Variants in SLC6A6 observed in about 807,000 individuals in gnomAD.
SLC6A6 encodes sodium- and chloride-dependent taurine transporter.
SLC6A6 carries 16 observed loss-of-function variants against 68.8 expected under a neutral mutation model. The ratio of observed to expected loss-of-function variants is 0.23; its 90% CI spans 0.16 to 0.35. The LOEUF is 0.35. SLC6A6 is among the 10% of genes least tolerant of loss of function. The pLI is 1.00. For synonymous variants in SLC6A6, 312 were observed against 315.4 expected (o/e 0.99, Z 0.12); for missense variants, 474 against 802.8 (o/e 0.59, Z 4.95).
chr3:14,468,288 A>G lies in SLC6A6; in HGVS notation c.1096+76A>G, dbSNP rs1323021552. On this transcript the variant is annotated intron_variant, in intron 9 of 14. Transcript: ENST00000622186. This position sits in a 1 kb window ranked among gnomAD's most constrained non-coding sequence, Gnocchi z 4.5. Reference sequence around the variant, plus strand: ...AGCCAAGTACTGCAGGCATGAAGCCAGACCCCAGGGGGCTTTGAGGGGGGA... The same window carrying G: ...AGCCAAGTACTGCAGGCATGAAGCCGGACCCCAGGGGGCTTTGAGGGGGGA... 7.2e-7 allele frequency: 1 copy of G among 1,385,292 alleles called. No individual in the cohort carries two copies. The highest frequency in any genetic ancestry group is 2.5e-5 in the Admixed American group (1 of 39,492). The allele number at this position is 1,385,292 out of a possible 1,614,324, so 85.8% of individuals were successfully genotyped here. A position where few individuals can be genotyped will look rare whatever the true frequency, so the allele number is the denominator to read the frequency against.
chr3:14,403,430 T>C (rs1332183798), intron 1 of SLC6A6, among the ~76,000 whole-genome samples: 1 of 152,166 alleles, frequency 6.6e-6, no homozygotes, highest in Non-Finnish European at 1.5e-5. Context: ...AGTGTGGTTG[T>C]GTCTCCAGGT....
intron 2 of SLC6A6, among the ~76,000 whole-genome samples, chr3:14,426,593 A>G (rs185285434): frequency 8.5e-5 from 13 of 152,358 alleles, no homozygotes; most frequent in African/African-American, 2.6e-4. Context: ...TTAAGGAAAG[A>G]AAAAAATATT....
Position 14,468,808 on chromosome 3 carries a change from C to T in SLC6A6, c.1096+596C>T, listed in dbSNP as rs1018801894. Among the ~76,000 whole-genome samples, 1 of 152,086 alleles carries T rather than the reference C, an allele frequency of 6.6e-6. No homozygotes were observed. The highest frequency in any genetic ancestry group is 2.1e-4 in the South Asian group (1 of 4,828). ...TGGGGGTGGGTTGTAAGCACAGTGT[C>T]GCCCCTCGGGGTGTGGGCCCTGTTG... On this transcript the variant is annotated intron_variant, in intron 9 of 14. Coordinates refer to ENST00000622186, the MANE Select transcript of SLC6A6 (RefSeq NM_003043.6). This position sits in a 1 kb window ranked among gnomAD's most constrained non-coding sequence, Gnocchi z 4.5.
intron 1 of SLC6A6, among the ~76,000 whole-genome samples, chr3:14,415,440 G>A (rs1469557439): frequency 6.6e-6 from 1 of 152,186 alleles, no homozygotes; most frequent in Non-Finnish European, 1.5e-5. Flanking sequence ...AAGGAAAGGG[G>A]TCCTGGAGGC....
chr3:14,454,640 C>T (rs1700329684), intron 5 of SLC6A6, among the ~76,000 whole-genome samples: 1 of 152,126 alleles, frequency 6.6e-6, no homozygotes. Flanking sequence ...TGGTTTCAGC[C>T]CTAGTATGTT....
Position 14,458,016 on chromosome 3 carries a change from C to G in SLC6A6, c.666C>G (p.Leu222=), listed in dbSNP as rs1283307219. Residue 222 remains leucine (L), a synonymous_variant, in exon 6 of 15, where the codon CTC becomes CTG. Transcript: ENST00000622186. ...HPGSLKWDLA[L]CLLLVWLVCF... ...GCTCTCTGAAATGGGACCTCGCTCT[C>G]TGCCTTCTTTTAGTCTGGCTAGTGT... 1 of 1,613,950 alleles carries G rather than the reference C, an allele frequency of 6.2e-7. No homozygotes were observed. The highest frequency in any genetic ancestry group is 1.1e-5 in the South Asian group (1 of 91,080).
intron 2 of SLC6A6, among the ~76,000 whole-genome samples, chr3:14,441,675 G>A (rs1699991601): frequency 6.6e-6 from 1 of 152,200 alleles, no homozygotes; most frequent in African/African-American, 2.4e-5. Context: ...CAGCAGCTGG[G>A]GCCAAGCCAG....
At position 14,468,340 on chromosome 3, in the gene SLC6A6, C is replaced by CCA; in HGVS notation, c.1096+129_1096+130insAC. 1 of 728,562 alleles carries CCA rather than the reference C, an allele frequency of 1.4e-6. No homozygotes were observed. The highest frequency in any genetic ancestry group is 2.3e-5 in the South Asian group (1 of 42,806). 45.1% of individuals were successfully genotyped at this position (728,562 alleles called of 1,614,324 possible). Reference sequence around the variant, plus strand: ...GAGCCTGGTTTCTAAAATGGACCCCCCCCCCGCCACCAAGATATCCCCCAA... The same window carrying CCA: ...GAGCCTGGTTTCTAAAATGGACCCCCCACCCCCGCCACCAAGATATCCCCCAA... On this transcript the variant is annotated intron_variant, in intron 9 of 14. Coordinates refer to ENST00000622186, the MANE Select transcript of SLC6A6 (RefSeq NM_003043.6). This position sits in a 1 kb window ranked among gnomAD's most constrained non-coding sequence, Gnocchi z 4.5.
intron 4 of SLC6A6, 129 bp downstream of exon 4, chr3:14,445,980 TAGC>T (rs1481067372): frequency 3.4e-6 from 3 of 889,850 alleles, no homozygotes; most frequent in Non-Finnish European, 5.3e-6. Flanking sequence ...TGACACAAGA[TAGC>T]AGCCAGTACA....
Position 14,477,933 on chromosome 3 carries a change from A to G in SLC6A6, c.1348-533A>G, listed in dbSNP as rs1273993669. Among the ~76,000 whole-genome samples, 2 of 152,140 alleles carry G rather than the reference A, an allele frequency of 1.3e-5. No homozygotes were observed. The highest frequency in any genetic ancestry group is 2.9e-5 in the Non-Finnish European group (2 of 68,022). ...TCTAGCAAGAGGCAAGCCAGATGAG[A>G]TAAAGATTGTACTAAGAATGGAAGC... is the stretch of plus-strand genomic sequence containing the variant. On this transcript the variant is annotated intron_variant, in intron 11 of 14. Transcript: ENST00000622186. This position sits in a 1 kb window ranked among gnomAD's most constrained non-coding sequence, Gnocchi z 4.2.
chr3:14,465,253 A>G (rs1287817872), intron 6 of SLC6A6, among the ~76,000 whole-genome samples: 2 of 152,244 alleles, frequency 1.3e-5, no homozygotes, highest in Admixed American at 1.3e-4. Flanking sequence ...CGCTTGCAGG[A>G]CAAGAGGAGA....
chr3:14,440,133 C>G (rs1699948295), intron 2 of SLC6A6, among the ~76,000 whole-genome samples: 1 of 152,062 alleles, frequency 6.6e-6, no homozygotes, highest in Non-Finnish European at 1.5e-5. Context: ...CTGTGCACCC[C>G]CCCTCATTTA....
chr3:14,470,604 G>A (rs902206362), intron 9 of SLC6A6, among the ~76,000 whole-genome samples: 1 of 152,200 alleles, frequency 6.6e-6, no homozygotes, highest in South Asian at 2.1e-4. Flanking sequence ...TGGGTTGGGG[G>A]TTGTGGGGGC....
In SLC6A6 at chr3:14,467,889, T is replaced by G; in HGVS notation, c.904T>G (p.Tyr302Asp). 6.2e-7 allele frequency: 1 copy of G among 1,613,736 alleles called. No individual in the cohort carries two copies. The highest frequency in any genetic ancestry group is 8.5e-7 in the Non-Finnish European group (1 of 1,179,678). The change falls in exon 8 of 15, where the codon TAT becomes GAT. Residue 302 changes from tyrosine (Y) to aspartate (D), a missense_variant. Around this residue, in one of 2 missense-constraint regions of SLC6A6, gnomAD observed 280 missense variants for 533.1 expected, o/e 0.53. Coordinates refer to ENST00000622186, the MANE Select transcript of SLC6A6 (RefSeq NM_003043.6). ...CGCTGGGACTCAGATATTCTTCTCTTATGCCATCTGCCTGGGGGCTATGAC... is the reference window on the plus strand; with the variant it reads ...CGCTGGGACTCAGATATTCTTCTCTGATGCCATCTGCCTGGGGGCTATGAC... Reference protein sequence around the residue: ...IDAGTQIFFSYAICLGAMTSL... With the variant: ...IDAGTQIFFSDAICLGAMTSL...
chr3:14,445,462 G>A (rs1050516684), intron 3 of SLC6A6, among the ~76,000 whole-genome samples: 4 of 122,264 alleles, frequency 3.3e-5, no homozygotes, highest in South Asian at 5.9e-4. Flanking sequence ...AAGAAAGAAA[G>A]AAAAAAAAGA....
chr3:14,444,090 C>G (rs376510812), intron 3 of SLC6A6: 1 of 510,774 alleles, frequency 2.0e-6, no homozygotes. Flanking sequence ...TCTGTGTTAC[C>G]TTGAGCAGGT....
At position 14,444,652 on chromosome 3, in the gene SLC6A6, G is replaced by A. The variant is rs111620589; in HGVS notation, c.229+789G>A. 168 of 440,008 alleles carry A rather than the reference G, an allele frequency of 3.8e-4. 2 individuals carry two copies. The highest frequency in any genetic ancestry group is 2.3e-3 in the African/African-American group (113 of 49,664). The allele number at this position is 440,008 out of a possible 1,614,324, so 27.3% of individuals were successfully genotyped here. The stretch of plus-strand genomic sequence containing the variant: ...TGTCAAAGGCTTGTGTGTCAGCAGA[G>A]ATGGGCATGCCTTGTGCTGCCCACA... On this transcript the variant is annotated intron_variant, in intron 3 of 14. Transcript: ENST00000622186.
chr3:14,439,286 T>G (rs1377049518), intron 2 of SLC6A6, among the ~76,000 whole-genome samples: 2 of 152,002 alleles, frequency 1.3e-5, no homozygotes, highest in African/African-American at 2.4e-5. Flanking sequence ...ACAATAGGAG[T>G]GTTGGAGAAT....
intron 1 of SLC6A6, among the ~76,000 whole-genome samples, chr3:14,403,657 G>GGGGCA (rs888332699): frequency 6.6e-6 from 1 of 152,238 alleles, no homozygotes; most frequent in Non-Finnish European, 1.5e-5. Context: ...AAGGCCCGGA[G>GGGGCA]GGGCAGCCAA....
Sources: gnomAD v4.1 joint callset for allele counts (sites outside exome capture counted in the v4.1 genomes callset) on GRCh38, gnomAD v4.1.1 for gene constraint, gnomAD v4.1.1 regional missense constraint, Gnocchi (gnomAD v3.1) non-coding constraint, MANE v1.5 for transcripts, NCBI Gene and HGNC (gene_info 2026-07-23, HGNC 2026-07-21) for gene names.